APBA3: variants seen among roughly 807,000 people sequenced by gnomAD.
APBA3 encodes amyloid-beta A4 precursor protein-binding family A member 3.
In APBA3, 45 loss-of-function variants were observed where a neutral mutation model predicts 55.9. That is an observed-to-expected ratio of 0.80 (90% confidence interval 0.63 to 1.03). The LOEUF (loss-of-function observed/expected upper bound fraction) is 1.03, where lower values mean the gene tolerates loss of function less well. Among genes scored for constraint, APBA3 ranks in the 50% least tolerant of loss-of-function variants. The pLI, the probability that APBA3 is intolerant of heterozygous loss-of-function variation, is 0.00. For missense variants in APBA3, 865 were observed against 820.3 expected (o/e 1.05, Z -0.67); for synonymous variants, 370 against 353.3 (o/e 1.05, Z -0.53).
chr19:3,760,309 AGAGAGAG>A lies in APBA3; in HGVS notation c.-37-15_-37-9del. Reference sequence around the variant, plus strand: ...GCCGGCATCTTCAGGCAGCTGAAAGAGAGAGAGTCAGCACTGAGGTTTCGCCCGGGTG... The same window carrying A: ...GCCGGCATCTTCAGGCAGCTGAAAGATCAGCACTGAGGTTTCGCCCGGGTG... On this transcript the variant is annotated splice_polypyrimidine_tract_variant and intron_variant, in intron 1 of 10. Transcript: ENST00000316757. The A allele has an allele frequency of 6.6e-7, 1 of 1,521,954 alleles. No homozygotes were observed. Among genetic ancestry groups the A allele is most frequent in the Non-Finnish European group, 8.8e-7 (1 of 1,139,562 alleles). The allele number at this position is 1,521,954 out of a possible 1,614,324, so 94.3% of individuals were successfully genotyped here.
intron 1 of APBA3, among the ~76,000 whole-genome samples, chr19:3,760,912 T>TA (rs895833663): frequency 5.3e-5 from 8 of 151,542 alleles, no homozygotes; most frequent in African/African-American, 7.3e-5. Context: ...GGCCCTGTCT[T>TA]AAAAAAAACA....
chr19:3,757,516 A>G (rs2037092724), intron 3 of APBA3, among the ~76,000 whole-genome samples: 1 of 152,134 alleles, frequency 6.6e-6, no homozygotes. Flanking sequence ...GGTGGATCAC[A>G]AGGTCAGGAG....
chr19:3,752,372 A>G, intron 8 of APBA3, 136 bp downstream of exon 8: 1 of 783,878 alleles, frequency 1.3e-6, no homozygotes, highest in Non-Finnish European at 2.0e-6. Flanking sequence ...CCAAGGGCAC[A>G]CCAGTGGGCA....
intron 6 of APBA3, 50 bp downstream of exon 6, chr19:3,753,715 T>G: frequency 1.4e-6 from 2 of 1,440,654 alleles, no homozygotes; most frequent in Non-Finnish European, 1.8e-6. Flanking sequence ...GAGGCGACAG[T>G]TGCAGTGAGG....
chr19:3,758,930 T>C (rs1323961023), intron 3 of APBA3, among the ~76,000 whole-genome samples: 1 of 150,728 alleles, frequency 6.6e-6, no homozygotes, highest in Non-Finnish European at 1.5e-5. Context: ...CAATTAAAAA[T>C]GCAAAGGACA....
Position 3,751,253 on chromosome 19 carries a change from C to T in APBA3, c.1592G>A (p.Gly531Glu), listed in dbSNP as rs1055233957. Residue 531 changes from glycine to glutamate, a missense_variant, in exon 10 of 11, where the codon GGG (glycine) becomes GAG (glutamate). By Grantham distance (98) the Gly-to-Glu change is moderately conservative. Transcript: ENST00000316757. ...GTGTGGCGTGGCCACCACACTCTGC[C>T]CATTGATCTCAATGATGCGGTGGCC... ...RVGHRIIEIN[G>E]QSVVATPHAR... 12 of 1,547,030 alleles carry T rather than the reference C, an allele frequency of 7.8e-6. No homozygotes were observed. The highest frequency in any genetic ancestry group is 9.6e-6 in the Non-Finnish European group (11 of 1,148,112).
In APBA3 at chr19:3,751,268, A is replaced by C. The variant is rs1449105869; in HGVS notation, c.1577T>G (p.Ile526Ser). The change falls in exon 10 of 11, where the codon ATC becomes AGC. Residue 526 changes from isoleucine (I) to serine (S), a missense_variant. Transcript: ENST00000316757. ...ERGGIRVGHR[I>S]IEINGQSVVA... ...CACACTCTGCCCATTGATCTCAATG[A>C]TGCGGTGGCCGACGCGGATGCCCCC... 1.3e-6 allele frequency: 2 copies of C among 1,544,976 alleles called. No homozygotes were observed. The highest frequency in any genetic ancestry group is 2.7e-5 in the African/African-American group (2 of 73,070).
In APBA3 at chr19:3,751,022, G is replaced by A; in HGVS notation, c.*4C>T. On this transcript the variant is annotated 3_prime_UTR_variant, in exon 11 of 11. Coordinates refer to ENST00000316757, the MANE Select transcript of APBA3 (RefSeq NM_004886.4). ...GGCACAGTGGCAGGCAAGGGATGAG[G>A]TGGTCACAGGTACACGGGCTGCTCC... 2.6e-6 allele frequency: 4 copies of A among 1,557,588 alleles called. No individual in the cohort carries two copies. The South Asian group carries it at 4.7e-5, about 18-fold the overall frequency.
chr19:3,758,827 G>A (rs764092121), intron 3 of APBA3, among the ~76,000 whole-genome samples: 11 of 151,960 alleles, frequency 7.2e-5, no homozygotes, highest in South Asian at 4.2e-4. Flanking sequence ...GCAGTGAGCC[G>A]GGATCACGCC....
intron 8 of APBA3, among the ~76,000 whole-genome samples, chr19:3,752,227 C>T (rs1432839632): frequency 6.6e-6 from 1 of 152,040 alleles, no homozygotes; most frequent in African/African-American, 2.4e-5. Context: ...CAAACCCCCC[C>T]AGAAATTAGC....
Position 3,760,175 on chromosome 19 carries a change from G to A in APBA3, c.90C>T (p.Asp30=). The change falls in exon 2 of 11, where the codon GAC becomes GAT. Residue 30 remains aspartate (D), a synonymous_variant. Transcript: ENST00000316757. ...GPRDILVPSE[D]LTPDSQWDPM... is the part of the protein sequence containing the mutation. ...GGTCCCACTGGCTGTCAGGGGTGAGGTCCTCCGAAGGCACAAGAATGTCCC... is the reference window on the plus strand; with the variant it reads ...GGTCCCACTGGCTGTCAGGGGTGAGATCCTCCGAAGGCACAAGAATGTCCC... 1.9e-6 allele frequency: 3 copies of A among 1,613,158 alleles called. No homozygotes were observed. The highest frequency in any genetic ancestry group is 2.5e-6 in the Non-Finnish European group (3 of 1,180,014).
chr19:3,757,669 T>C (rs2037094855), intron 3 of APBA3, among the ~76,000 whole-genome samples: 1 of 151,992 alleles, frequency 6.6e-6, no homozygotes, highest in Admixed American at 6.6e-5. Flanking sequence ...GCGGCAGAGG[T>C]TGAAGTGAGC....
Position 3,759,801 on chromosome 19 carries a change from A to T in APBA3, c.464T>A (p.Val155Glu), listed in dbSNP as rs752633364. Residue 155 changes from valine to glutamate, a missense_variant, in exon 2 of 11, where the codon GTG becomes GAG. Transcript: ENST00000316757. ...PDEDSDSPEWVEGASAEQEGS... is the reference protein window; with the variant it reads ...PDEDSDSPEWEEGASAEQEGS... ...CTCCTGCTCAGCAGAGGCCCCCTCCACCCATTCTGGGGAGTCAGAATCCTC... is the reference window on the plus strand; with the variant it reads ...CTCCTGCTCAGCAGAGGCCCCCTCCTCCCATTCTGGGGAGTCAGAATCCTC... The T allele has an allele frequency of 1.9e-6, 3 of 1,612,312 alleles. No individual in the cohort carries two copies. The highest frequency in any genetic ancestry group is 2.5e-6 in the Non-Finnish European group (3 of 1,179,786).
At chr19:3,751,406 A>AC (rs1344079531) in intron 9 of APBA3, 28 bp downstream of exon 9, 1 of 1,513,364 alleles carries the variant, frequency 6.6e-7, no homozygotes, top group African/African-American at 1.4e-5. Context: ...CTACCCCCCC[A>AC]CCCCGGGGCC....
Position 3,752,922 on chromosome 19 carries a change from G to C in APBA3, c.1080C>G (p.Ser360Arg). The change falls in exon 7 of 11, where the codon AGC becomes AGG. Residue 360 changes from serine (S) to arginine (R), a missense_variant. Physicochemically the swap from Ser to Arg is moderately radical, Grantham distance 110. Transcript: ENST00000316757. ...AAAYSQFLRE[S>R]GIDPSQVGVH... ...CGCCCACCTGGCTGGGGTCAATACC[G>C]CTTTCCCGTAGGAACTGGCTGTAGG... 6.2e-7 allele frequency: 1 copy of C among 1,613,400 alleles called. No individual in the cohort carries two copies. The highest frequency in any genetic ancestry group is 1.1e-5 in the South Asian group (1 of 91,090).
Position 3,752,546 on chromosome 19 carries a change from C to T in APBA3, c.1357G>A (p.Val453Met). ...RLTAINGTSLVGLPLAACQAA... is the reference protein window; with the variant it reads ...RLTAINGTSLMGLPLAACQAA... ...TGGCACGCAGCCAGGGGCAGCCCCA[C>T]CAGGCTGGTCCCGTTGATGGCGGTC... The change falls in exon 8 of 11, where the codon GTG (valine) becomes ATG (methionine). Residue 453 changes from valine (V) to methionine (M), a missense_variant. Physicochemically the swap from Val to Met is conservative, Grantham distance 21. Coordinates refer to ENST00000316757, the MANE Select transcript of APBA3 (RefSeq NM_004886.4). 5 of 1,588,904 alleles carry T rather than the reference C, an allele frequency of 3.1e-6. No individual in the cohort carries two copies. The East Asian group carries it at 1.1e-4, about 36-fold the overall frequency.
At chr19:3,759,234 A>T (rs555891204) in intron 3 of APBA3, among the ~76,000 whole-genome samples, 1 of 152,136 alleles carries the variant, frequency 6.6e-6, no homozygotes, top group Non-Finnish European at 1.5e-5. Flanking sequence ...AAAAGTAAAG[A>T]AGCCCCAAAC....
In APBA3 at chr19:3,760,265, G is replaced by A. The variant is rs916335058; in HGVS notation, c.-1C>T. ...ATCGGGAAATTGTGGGGAAGTCCAT[G>A]CCTGGACTCCAGGCTTAGGCCGGCA... On this transcript the variant is annotated 5_prime_UTR_variant, in exon 2 of 11. Transcript: ENST00000316757. The A allele has an allele frequency of 6.3e-7, 1 of 1,593,190 alleles. No individual in the cohort carries two copies. Among genetic ancestry groups the A allele is most frequent in the Non-Finnish European group, 8.5e-7 (1 of 1,176,762 alleles).
chr19:3,760,001 G>C lies in APBA3; in HGVS notation c.264C>G (p.Gly88=). ...GAPCPLHIAT[G]HGLASQEIAD... is the part of the protein sequence containing the mutation. ...CAATCTCCTGGGAGGCCAGGCCATG[G>C]CCTGTGGCAATGTGTAGGGGACAGG... The change falls in exon 2 of 11, where the codon GGC becomes GGG. Residue 88 remains glycine, a synonymous_variant. Coordinates refer to ENST00000316757, the MANE Select transcript of APBA3 (RefSeq NM_004886.4). The C allele has an allele frequency of 6.2e-7, 1 of 1,611,924 alleles. No homozygotes were observed. Among genetic ancestry groups the C allele is most frequent in the Non-Finnish European group, 8.5e-7 (1 of 1,179,584 alleles).
Sources: gnomAD v4.1 joint callset for allele counts (sites outside exome capture counted in the v4.1 genomes callset) on GRCh38, gnomAD v4.1.1 for gene constraint, MANE v1.5 for transcripts, NCBI Gene and HGNC (gene_info 2026-07-23, HGNC 2026-07-21) for gene names.